SLC38A6: variants seen among roughly 807,000 people sequenced by gnomAD.
SLC38A6 encodes the protein N system amino acid transporter NAT-1.
In SLC38A6, 73 loss-of-function variants were observed where a neutral mutation model predicts 65.0. The ratio of observed to expected loss-of-function variants is 1.12; its 90% confidence interval spans 0.93 to 1.37. SLC38A6 has a LOEUF of 1.37. Ranked by LOEUF, SLC38A6 falls within the 40% of genes most tolerant of loss-of-function variation. SLC38A6 has a pLI of 0.00. For synonymous variants in SLC38A6, 183 were observed against 178.8 expected, an observed-to-expected ratio of 1.02 and a Z score of -0.19; for missense variants, 561 against 531.1, an observed-to-expected ratio of 1.06 and a Z score of -0.55.
At chr14:60,982,423 A>G (rs756543851) in intron 1 of SLC38A6, 85 bp from the exon 2 acceptor site, 36 of 1,552,150 alleles carry the variant, frequency 2.3e-5, no homozygotes, top group Non-Finnish European at 3.1e-5. Flanking sequence ...GCTTTTTTCC[A>G]TAATCTTTCA....
chr14:61,052,917 T>C (rs968108525), downstream of SLC38A6: 26 of 153,432 alleles, frequency 1.7e-4, no homozygotes, highest in African/African-American at 5.5e-4. Flanking sequence ...CAAGGGTACA[T>C]GTGAAAGCTT....
At chr14:60,990,881 A>G (rs1284322837) in intron 3 of SLC38A6, among the ~76,000 whole-genome samples, 1 of 151,956 alleles carries the variant, frequency 6.6e-6, no homozygotes, top group Non-Finnish European at 1.5e-5. Context: ...ATGGGCTCTT[A>G]CCACGATGCC....
At chr14:61,070,302 T>C (rs2043188449) in intron 15 of SLC38A6, among the ~76,000 whole-genome samples, 1 of 152,226 alleles carries the variant, frequency 6.6e-6, no homozygotes, top group Non-Finnish European at 1.5e-5. Flanking sequence ...AGGAATCATG[T>C]AGTATTTTGT....
At chr14:61,038,083 CAG>C (rs1446414355) in intron 8 of SLC38A6, among the ~76,000 whole-genome samples, 2 of 152,040 alleles carry the variant, frequency 1.3e-5, no homozygotes, top group African/African-American at 2.4e-5. Flanking sequence ...AATAAAAAAA[CAG>C]AGCTTCTGGT....
intron 3 of SLC38A6, chr14:60,987,466 C>G (rs1244338672): frequency 6.6e-6 from 1 of 152,272 alleles, no homozygotes; most frequent in Admixed American, 6.5e-5. Context: ...TTCATGGGAG[C>G]TGAGGTGGAA....
intron 16 of SLC38A6, among the ~76,000 whole-genome samples, chr14:61,082,886 G>T (rs911407195): frequency 1.3e-5 from 2 of 152,110 alleles, no homozygotes; most frequent in African/African-American, 4.8e-5. Flanking sequence ...ATCTCTAAAG[G>T]CTGTTTTATT....
chr14:61,052,290 T>C (rs2042550333), intron 15 of SLC38A6, 59 bp from the exon 16 acceptor site: 1 of 1,407,792 alleles, frequency 7.1e-7, no homozygotes, highest in Non-Finnish European at 9.6e-7. Flanking sequence ...TCCAATTGTA[T>C]TTTTTTATCT....
chr14:61,051,862 G>C lies in SLC38A6; in HGVS notation c.1126G>C (p.Ala376Pro). The change falls in exon 14 of 16, where the codon GCA (alanine) becomes CCA (proline). Residue 376 changes from alanine to proline, a missense_variant. By Grantham distance (27) the Ala-to-Pro change is conservative (BLOSUM62 -1). Coordinates refer to ENST00000267488, the MANE Select transcript of SLC38A6 (RefSeq NM_153811.3). ...GATTCGCCATTTTTTGATCACTCTA[G>C]CACTCAATATTATCATCGTTTTACT... ...SWIRHFLITL[A>P]LNIIIVLLAI... 6 of 1,612,230 alleles carry C rather than the reference G, an allele frequency of 3.7e-6. No individual in the cohort carries two copies. Among genetic ancestry groups the C allele is most frequent in the Non-Finnish European group, 5.1e-6 (6 of 1,179,272 alleles).
At position 61,017,974 on chromosome 14, in the gene SLC38A6, A is replaced by G. The variant is rs775295997; in HGVS notation, c.364-1567A>G. On this transcript the variant is annotated intron_variant, in intron 4 of 15. Transcript: ENST00000267488. The stretch of plus-strand genomic sequence containing the variant: ...TTGAAATGTTTTGAACTTGTTAAAG[A>G]TTTATTTCAATGTCTATAAATTGGT... Among the ~76,000 whole-genome samples the G allele has an allele frequency of 1.2e-3, 190 of 152,202 alleles. 6 individuals are homozygous for G. The highest frequency in any genetic ancestry group is 2.4e-4 in the Non-Finnish European group (16 of 68,044).
intron 15 of SLC38A6, among the ~76,000 whole-genome samples, chr14:61,076,073 T>C (rs1250492716): frequency 6.6e-6 from 1 of 152,032 alleles, no homozygotes; most frequent in Admixed American, 6.6e-5. Flanking sequence ...CAGGCTGGTC[T>C]TGAACTCCCG....
At chr14:61,010,421 G>T (rs2039470049) in intron 3 of SLC38A6, among the ~76,000 whole-genome samples, 1 of 152,168 alleles carries the variant, frequency 6.6e-6, no homozygotes, top group East Asian at 1.9e-4. Flanking sequence ...TGCTGCCATT[G>T]CTTTTGGTGT....
chr14:61,055,352 G>T, downstream of SLC38A6, among the ~76,000 whole-genome samples: 1 of 30,048 alleles, frequency 3.3e-5, no homozygotes, highest in East Asian at 6.7e-4. Context: ...CCACCTATGA[G>T]TGAGAATATG....
At chr14:61,033,118 A>G (rs962504573) in intron 6 of SLC38A6, among the ~76,000 whole-genome samples, 2 of 151,924 alleles carry the variant, frequency 1.3e-5, no homozygotes, top group African/African-American at 4.8e-5. Context: ...ACATTTAATG[A>G]TCTTGTCGGG....
In SLC38A6 at chr14:60,982,614, C is replaced by T; in HGVS notation, c.212C>T (p.Ala71Val). 6.2e-7 allele frequency: 1 copy of T among 1,612,060 alleles called. No individual in the cohort carries two copies. Among genetic ancestry groups the T allele is most frequent in the Non-Finnish European group, 8.5e-7 (1 of 1,179,564 alleles). ...SGILGLAYVL[A>V]NTGVFGFSFL... ...ATCCTTGGCTTAGCTTATGTTTTGG[C>T]TAATACCGGTGTCTTTGGATTTAGG... is the stretch of plus-strand genomic sequence containing the variant. Residue 71 changes from alanine (A) to valine (V), a missense_variant, in exon 2 of 16, where the codon GCT (alanine) becomes GTT (valine). By Grantham distance (64) the Ala-to-Val change is moderately conservative. Transcript: ENST00000267488.
At chr14:60,983,552 A>AT (rs1449772192) in intron 2 of SLC38A6, among the ~76,000 whole-genome samples, 1 of 152,230 alleles carries the variant, frequency 6.6e-6, no homozygotes, top group Non-Finnish European at 1.5e-5. Context: ...GGCTAATAGA[A>AT]TGAATTAACA....
At chr14:61,053,556 T>C (rs2042604599), downstream of SLC38A6, among the ~76,000 whole-genome samples, 1 of 152,120 alleles carries the variant, frequency 6.6e-6, no homozygotes, top group East Asian at 1.9e-4. Flanking sequence ...ATGTTATTTT[T>C]TGACTTTTTA....
intron 1 of SLC38A6, 81 bp from the exon 2 acceptor site, chr14:60,982,427 T>A: frequency 6.5e-7 from 1 of 1,547,420 alleles, no homozygotes; most frequent in Non-Finnish European, 8.8e-7. Flanking sequence ...TTTTCCATAA[T>A]CTTTCATTTA....
intron 8 of SLC38A6, 139 bp downstream of exon 8, chr14:61,037,822 C>A: frequency 1.8e-6 from 1 of 552,264 alleles, no homozygotes; most frequent in Non-Finnish European, 3.1e-6. Flanking sequence ...CACTTTTGTT[C>A]CATTAAATTA....
At chr14:61,081,490 G>T (rs2043646596) in intron 16 of SLC38A6, among the ~76,000 whole-genome samples, 1 of 152,150 alleles carries the variant, frequency 6.6e-6, no homozygotes, top group African/African-American at 2.4e-5. Context: ...TTCGAGACCA[G>T]CCTGACCAAC....
Sources: allele counts gnomAD v4.1 joint callset (sites outside exome capture counted in the v4.1 genomes callset), GRCh38; gene constraint gnomAD v4.1.1; transcripts MANE v1.5; gene names NCBI Gene and HGNC (gene_info 2026-07-23, HGNC 2026-07-21).